Variants in CDCP2 observed in about 807,000 individuals in gnomAD.
CDCP2 encodes CUB domain-containing protein 2.
Under a neutral mutation model 31.0 loss-of-function variants are expected in CDCP2, and 31 were observed. The observed-to-expected ratio is 1.00, with a 90% CI of 0.75 to 1.35. The LOEUF is 1.35. Ranked by LOEUF, CDCP2 falls within the 40% of genes most tolerant of loss-of-function variation. CDCP2 has a pLI of 0.00. For synonymous variants in CDCP2, 206 were observed against 207.9 expected (o/e 0.99, Z 0.08); for missense variants, 443 against 482.6 (o/e 0.92, Z 0.77).
intron 4 of CDCP2, 103 bp downstream of exon 4, chr1:54,139,650 G>GGGT (rs1553173748): frequency 6.2e-7 from 1 of 1,613,544 alleles, no homozygotes; most frequent in Non-Finnish European, 8.5e-7. Context: ...ATTCATGGGG[G>GGGT]GGGCAGGACA....
chr1:54,150,829 C>A (rs568228157), intron 1 of CDCP2, among the ~76,000 whole-genome samples: 1 of 152,278 alleles, frequency 6.6e-6, no homozygotes, highest in South Asian at 2.1e-4. Context: ...CCAAAAGCAT[C>A]CTGAAGAATA....
At chr1:54,136,522 C>T in intron 5 of CDCP2, 108 bp downstream of exon 5, 1 of 398,394 alleles carries the variant, frequency 2.5e-6, no homozygotes, top group Non-Finnish European at 4.4e-6. Context: ...TGCATCCAGG[C>T]CTGTGTGGCC....
intron 5 of CDCP2, among the ~76,000 whole-genome samples, chr1:54,136,266 G>A (rs1659257390): frequency 6.6e-6 from 1 of 152,194 alleles, no homozygotes; most frequent in African/African-American, 2.4e-5. Flanking sequence ...GGGAGGAACA[G>A]CAAAGAATAA....
chr1:54,150,563 C>G (rs1659565289), intron 1 of CDCP2, among the ~76,000 whole-genome samples: 1 of 151,894 alleles, frequency 6.6e-6, no homozygotes, highest in Non-Finnish European at 1.5e-5. Flanking sequence ...CCACTGCACT[C>G]CAGCCTGGGT....
chr1:54,140,926 C>T (rs1056852878), intron 3 of CDCP2, 172 bp downstream of exon 3: 37 of 495,388 alleles, frequency 7.5e-5, no homozygotes, highest in Admixed American at 6.8e-4. Context: ...GCAGAGGTGA[C>T]ATGCTTATGT....
intron 5 of CDCP2, among the ~76,000 whole-genome samples, chr1:54,133,649 C>A (rs182472264): frequency 5.9e-5 from 9 of 152,320 alleles, no homozygotes; most frequent in African/African-American, 2.2e-4. Context: ...GTAATCCCAG[C>A]ACTGTGGGAG....
exon 3 of CDCP2, chr1:54,141,232 C>A (rs537101222): frequency 6.2e-7 from 1 of 1,613,762 alleles, no homozygotes; most frequent in South Asian, 1.1e-5. Flanking sequence ...ACGGGTGGGG[C>A]CAGGCCCCCC....
exon 3 of CDCP2, chr1:54,141,184 A>G (rs768577284): frequency 6.3e-7 from 1 of 1,592,816 alleles, no homozygotes; most frequent in South Asian, 1.1e-5. Context: ...CAGAGACACG[A>G]GGGTGGGGGG....
At chr1:54,148,831 G>A (rs1383848538) in intron 1 of CDCP2, among the ~76,000 whole-genome samples, 1 of 151,362 alleles carries the variant, frequency 6.6e-6, no homozygotes, top group Non-Finnish European at 1.5e-5. Context: ...AGGAGTTTGA[G>A]ACCAGCCTGA....
intron 1 of CDCP2, among the ~76,000 whole-genome samples, chr1:54,150,606 A>G (rs1449047504): frequency 1.3e-5 from 2 of 151,984 alleles, no homozygotes; most frequent in East Asian, 3.9e-4. Flanking sequence ...AAAAAAAAAA[A>G]AAATTCTTAT....
At chr1:54,147,058 A>G in intron 1 of CDCP2, among the ~76,000 whole-genome samples, 1 of 130,872 alleles carries the variant, frequency 7.6e-6, no homozygotes, top group East Asian at 2.2e-4. Context: ...CCTGGGTGAC[A>G]GAGCAAGACT....
At chr1:54,138,140 A>T (rs1454690350) in intron 4 of CDCP2, 1 of 152,352 alleles carries the variant, frequency 6.6e-6, no homozygotes, top group African/African-American at 2.4e-5. Context: ...CCTTCTCTGC[A>T]GAAGGGGCTT....
At chr1:54,137,672 T>TGTGTGTGTGTGTGTGTGTGTGC (rs1659280046) in intron 4 of CDCP2, 1 of 121,170 alleles carries the variant, frequency 8.3e-6, no homozygotes, top group African/African-American at 3.1e-5. Flanking sequence ...CATGTGTGTG[T>TGTGTGTGTGTGTGTGTGTGTGC]GTGTGTGTGT....
intron 1 of CDCP2, among the ~76,000 whole-genome samples, chr1:54,150,160 G>A: frequency 6.6e-6 from 1 of 152,230 alleles, no homozygotes; most frequent in South Asian, 2.1e-4. Flanking sequence ...ATGTGCTCCA[G>A]GCTAGGCCAG....
chr1:54,150,248 A>G (rs1659557781), intron 1 of CDCP2, among the ~76,000 whole-genome samples: 1 of 152,232 alleles, frequency 6.6e-6, no homozygotes, highest in Non-Finnish European at 1.5e-5. Flanking sequence ...TGGGGGTGGA[A>G]CAAGGTCCAT....
At chr1:54,151,025 G>T (rs186052133) in intron 1 of CDCP2, among the ~76,000 whole-genome samples, 1 of 152,170 alleles carries the variant, frequency 6.6e-6, no homozygotes, top group Admixed American at 6.5e-5. Flanking sequence ...TCTGGGGTCC[G>T]GGGAGAGGAA....
At chr1:54,139,685 C>T in intron 4 of CDCP2, 68 bp downstream of exon 4, 2 of 1,613,956 alleles carry the variant, frequency 1.2e-6, no homozygotes, top group Non-Finnish European at 1.7e-6. Flanking sequence ...AGGAAGGAGA[C>T]TGCAAAGACT....
intron 3 of CDCP2, 191 bp from the exon 4 acceptor site, chr1:54,140,297 G>A: frequency 1.7e-6 from 1 of 605,276 alleles, no homozygotes; most frequent in Non-Finnish European, 2.9e-6. Flanking sequence ...CCCAAAGCTT[G>A]TTTTAAACTG....
At chr1:54,132,735 C>T (rs1659186897), downstream of CDCP2, 1 of 386,536 alleles carries the variant, frequency 2.6e-6, no homozygotes, top group Non-Finnish European at 4.6e-6. Flanking sequence ...ATTGCATATA[C>T]ATACACAGCA....
Sources: gnomAD v4.1 joint callset for allele counts (sites outside exome capture counted in the v4.1 genomes callset) on GRCh38, gnomAD v4.1.1 for gene constraint, MANE v1.5 for transcripts, NCBI Gene and HGNC (gene_info 2026-07-23, HGNC 2026-07-21) for gene names.